Variants in CACNA1E observed in about 807,000 individuals in gnomAD.
CACNA1E encodes voltage-dependent R-type calcium channel subunit alpha-1E.
In CACNA1E, 40 loss-of-function variants were observed where a neutral mutation model predicts 259.2. The ratio of observed to expected loss-of-function variants is 0.15; its 90% CI spans 0.12 to 0.20. CACNA1E has a LOEUF of 0.20. Ranked by LOEUF, CACNA1E falls within the 10% of genes least tolerant of loss-of-function variation. The pLI is 1.00. For synonymous variants in CACNA1E, 1,104 were observed against 1,138.5 expected, an observed-to-expected ratio of 0.97 and a Z score of 0.61; for missense variants, 1,874 against 3,040.1, an observed-to-expected ratio of 0.62 and a Z score of 9.02.
At chr1:181,514,574 C>A (rs1451447208) in intron 3 of CACNA1E, among the ~76,000 whole-genome samples, 1 of 152,194 alleles carries the variant, frequency 6.6e-6, no homozygotes, top group Non-Finnish European at 1.5e-5. Flanking sequence ...GCAGTCCCTG[C>A]TGACAGCTCT....
At chr1:181,488,329 A>C (rs554842527) in intron 1 of CACNA1E, among the ~76,000 whole-genome samples, 7 of 152,372 alleles carry the variant, frequency 4.6e-5, no homozygotes, top group African/African-American at 1.4e-4. Context: ...ATGGCAGCTA[A>C]CAAGGATGAA....
intron 1 of CACNA1E, among the ~76,000 whole-genome samples, chr1:181,378,165 A>G (rs185852543): frequency 6.6e-6 from 1 of 152,266 alleles, no homozygotes; most frequent in East Asian, 1.9e-4. Flanking sequence ...CCTTCCTTCA[A>G]TTTTCTTATT....
intron 7 of CACNA1E, among the ~76,000 whole-genome samples, chr1:181,693,128 C>CAAAAAAAAAAAAAAAAAAAAAAAAAAA (rs61662957): frequency 1.0e-5 from 1 of 97,848 alleles, no homozygotes; most frequent in Non-Finnish European, 2.0e-5. Context: ...CTATCTAAAG[C>CAAAAAAAAAAAAAAAAAAAAAAAAAAA]AAAAAAAAAA....
At chr1:181,514,752 A>C (rs913568807) in intron 3 of CACNA1E, among the ~76,000 whole-genome samples, 2 of 152,144 alleles carry the variant, frequency 1.3e-5, no homozygotes, top group African/African-American at 4.8e-5. Flanking sequence ...CAGCTGGCTC[A>C]GTGTAAGACC....
intron 3 of CACNA1E, among the ~76,000 whole-genome samples, chr1:181,560,307 A>T (rs1015261839): frequency 1.4e-4 from 22 of 152,188 alleles, no homozygotes; most frequent in Non-Finnish European, 2.1e-4. Context: ...AATACAGATA[A>T]GCATAAAGAT....
In CACNA1E at chr1:181,772,159, C is replaced by A; in HGVS notation, c.5067C>A (p.Asn1689Lys). 2 of 1,613,922 alleles carry A rather than the reference C, an allele frequency of 1.2e-6. No individual in the cohort carries two copies. Among genetic ancestry groups the A allele is most frequent in the Non-Finnish European group, 1.7e-6 (2 of 1,179,856 alleles). Residue 1689 changes from asparagine to lysine, a missense_variant, in exon 37 of 48, where the codon AAC (asparagine) becomes AAA (lysine). Coordinates refer to ENST00000367573, the MANE Select transcript of CACNA1E (RefSeq NM_001205293.3). ...EPDTTAPSGQ[N>K]ENERCGTDLA... ...ACACCACCGCACCATCAGGGCAGAA[C>A]GAGAACGAACGCTGCGGCACCGATC...
intron 3 of CACNA1E, among the ~76,000 whole-genome samples, chr1:181,559,526 G>A (rs1649093539): frequency 6.6e-6 from 1 of 152,172 alleles, no homozygotes; most frequent in Non-Finnish European, 1.5e-5. Context: ...TGGAGGAAGA[G>A]GAGTAGCCAA....
intron 2 of CACNA1E, among the ~76,000 whole-genome samples, chr1:181,459,705 C>A (rs1661681604): frequency 6.6e-6 from 1 of 152,148 alleles, no homozygotes; most frequent in South Asian, 2.1e-4. Context: ...AGTGACTGAC[C>A]AACTCCATGC....
intron 1 of CACNA1E, among the ~76,000 whole-genome samples, chr1:181,493,555 T>A (rs561581222): frequency 1.1e-4 from 16 of 152,326 alleles, no homozygotes; most frequent in African/African-American, 3.8e-4. Context: ...TGTTTTCTGT[T>A]TTGTAAAACA....
intron 3 of CACNA1E, 36 bp downstream of exon 3, chr1:181,511,546 A>G: frequency 6.2e-7 from 1 of 1,608,980 alleles, no homozygotes; most frequent in South Asian, 1.1e-5. Flanking sequence ...GTGTGTGTGT[A>G]TGAAGGGGGT....
chr1:181,571,741 A>G (rs2102940078), intron 3 of CACNA1E, among the ~76,000 whole-genome samples: 1 of 152,312 alleles, frequency 6.6e-6, no homozygotes, highest in Middle Eastern at 3.4e-3. Flanking sequence ...CAAAAACTTA[A>G]CAAGGTTCTT....
chr1:181,632,887 TC>T (rs1179166638), intron 6 of CACNA1E, among the ~76,000 whole-genome samples: 2 of 152,160 alleles, frequency 1.3e-5, no homozygotes, highest in African/African-American at 4.8e-5. Flanking sequence ...GAATGCACAG[TC>T]CAGCCAACAA....
intron 3 of CACNA1E, among the ~76,000 whole-genome samples, chr1:181,520,104 G>A (rs1342566819): frequency 1.3e-5 from 2 of 152,098 alleles, no homozygotes; most frequent in Non-Finnish European, 2.9e-5. Flanking sequence ...AATGCAGAAG[G>A]CTTCATATTC....
chr1:181,534,126 T>C (rs1667977106), intron 3 of CACNA1E, among the ~76,000 whole-genome samples: 1 of 152,124 alleles, frequency 6.6e-6, no homozygotes, highest in African/African-American at 2.4e-5. Flanking sequence ...TCTTATTTTG[T>C]TCCTTATTTA....
chr1:181,364,575 G>A (rs1203459332), intron 1 of CACNA1E, among the ~76,000 whole-genome samples: 1 of 152,192 alleles, frequency 6.6e-6, no homozygotes, highest in Non-Finnish European at 1.5e-5. Flanking sequence ...GTTCAACACA[G>A]GGGTTGAATT....
At chr1:181,644,211 A>G (rs1388626226) in intron 6 of CACNA1E, among the ~76,000 whole-genome samples, 2 of 141,758 alleles carry the variant, frequency 1.4e-5, no homozygotes, top group East Asian at 3.8e-4. Flanking sequence ...GATTGCTTTT[A>G]AGAGTTCTGG....
At chr1:181,600,872 G>A (rs112417476) in intron 6 of CACNA1E, among the ~76,000 whole-genome samples, 1 of 152,104 alleles carries the variant, frequency 6.6e-6, no homozygotes, top group African/African-American at 2.4e-5. Context: ...GAGATGGACT[G>A]ATGTCCCTTA....
chr1:181,361,532 G>C (rs1207414309), intron 1 of CACNA1E, among the ~76,000 whole-genome samples: 1 of 152,142 alleles, frequency 6.6e-6, no homozygotes, highest in Non-Finnish European at 1.5e-5. Flanking sequence ...GTGGTTGCTA[G>C]AGGGCTGGCC....
chr1:181,392,029 A>G (rs542576586), intron 1 of CACNA1E, among the ~76,000 whole-genome samples: 1 of 151,882 alleles, frequency 6.6e-6, no homozygotes, highest in African/African-American at 2.4e-5. Context: ...TGAATGAGGA[A>G]GAGCCTCTCT....
Sources: gnomAD v4.1 joint callset for allele counts (sites outside exome capture counted in the v4.1 genomes callset) on GRCh38, gnomAD v4.1.1 for gene constraint, MANE v1.5 for transcripts, NCBI Gene and HGNC (gene_info 2026-07-23, HGNC 2026-07-21) for gene names.